Variants in G3BP2 observed in about 807,000 individuals in gnomAD.
G3BP2 encodes the protein G3BP stress granule assembly factor 2.
In G3BP2, 11 loss-of-function variants were observed where a neutral mutation model predicts 56.7. That is an observed-to-expected ratio of 0.19 (90% CI 0.12 to 0.32). The LOEUF (loss-of-function observed/expected upper bound fraction) is 0.32. Among genes scored for constraint, G3BP2 ranks in the 10% least tolerant of loss-of-function variants. The pLI is 1.00. For synonymous variants in G3BP2, 165 were observed against 191.6 expected (o/e 0.86, Z 1.15); for missense variants, 340 against 610.9 (o/e 0.56, Z 4.67).
intron 11 of G3BP2, among the ~76,000 whole-genome samples, chr4:75,646,044 A>G (rs751034348): frequency 6.6e-6 from 1 of 152,152 alleles, no homozygotes; most frequent in Non-Finnish European, 1.5e-5. Context: ...CCTGGGCTCA[A>G]GCAATCCTTC....
chr4:75,703,165 G>A (rs1719411546), intron 3 of G3BP2, among the ~76,000 whole-genome samples: 1 of 152,190 alleles, frequency 6.6e-6, no homozygotes, highest in Non-Finnish European at 1.5e-5. Context: ...GGGAGAATGT[G>A]CAGACAGGAG....
rs1236781317 is a variant in G3BP2 at position 75,644,419 on chromosome 4, T to C, written c.*1011A>G. ...CTGATTTTAAAGATACTGCAATTTT[T>C]ATACATTTCGATGATTTTTCAACAT... On this transcript the variant is annotated 3_prime_UTR_variant, in exon 12 of 12. Coordinates refer to ENST00000359707, the MANE Select transcript of G3BP2 (RefSeq NM_203505.3). 1 of 152,670 alleles carries C rather than the reference T, an allele frequency of 6.6e-6. No homozygotes were observed. Among genetic ancestry groups the C allele is most frequent in the Non-Finnish European group, 1.5e-5 (1 of 68,050 alleles). The allele number at this position is 152,670 out of a possible 1,614,324, so 9.5% of individuals were successfully genotyped here. A position where few individuals can be genotyped will look rare whatever the true frequency, so the allele number is the denominator to read the frequency against.
chr4:75,707,397 G>A (rs1230413764), intron 3 of G3BP2, among the ~76,000 whole-genome samples: 2 of 151,704 alleles, frequency 1.3e-5, no homozygotes, highest in African/African-American at 4.8e-5. Flanking sequence ...CGAGGTGGGC[G>A]GATCACGAGG....
intron 1 of G3BP2, among the ~76,000 whole-genome samples, chr4:75,671,312 A>G (rs780098495): frequency 2.6e-5 from 4 of 152,186 alleles, no homozygotes; most frequent in African/African-American, 9.7e-5. Flanking sequence ...TTTTAAAGCA[A>G]TCTAGGGGGA....
chr4:75,646,987 T>A, intron 10 of G3BP2, 42 bp downstream of exon 10: 1 of 1,329,446 alleles, frequency 7.5e-7, no homozygotes, highest in Non-Finnish European at 1.0e-6. Context: ...TTGCTTAATT[T>A]AAAATAATTT....
chr4:75,678,632 T>C (rs1026253071), intron 3 of G3BP2, among the ~76,000 whole-genome samples: 1 of 152,090 alleles, frequency 6.6e-6, no homozygotes, highest in African/African-American at 2.4e-5. Context: ...CTGGGCAATA[T>C]AGCAAGACCC....
At chr4:75,719,100 G>C (rs995929641) in intron 3 of G3BP2, among the ~76,000 whole-genome samples, 1 of 152,072 alleles carries the variant, frequency 6.6e-6, no homozygotes, top group Non-Finnish European at 1.5e-5. Context: ...TGTAATCCCA[G>C]CACTTTGGGA....
intron 11 of G3BP2, 67 bp from the exon 12 acceptor site, chr4:75,645,769 A>G: frequency 7.1e-7 from 1 of 1,400,046 alleles, no homozygotes. Flanking sequence ...ATTACTCTGA[A>G]CAGGTCAGTC....
chr4:75,714,425 G>A (rs1048884134), intron 3 of G3BP2, among the ~76,000 whole-genome samples: 1 of 152,124 alleles, frequency 6.6e-6, no homozygotes, highest in Non-Finnish European at 1.5e-5. Context: ...TCAGGAGTTC[G>A]AGACCAGCCT....
Sources: allele counts gnomAD v4.1 joint callset (sites outside exome capture counted in the v4.1 genomes callset), GRCh38; gene constraint gnomAD v4.1.1; transcripts MANE v1.5; gene names NCBI Gene and HGNC (gene_info 2026-07-23, HGNC 2026-07-21).